The following MCTP1 variants were observed in gnomAD, a reference collection of about 807,000 sequenced individuals.
MCTP1 encodes the protein multiple C2 and transmembrane domain-containing protein 1.
Under a neutral mutation model 120.6 loss-of-function variants are expected in MCTP1, and 69 were observed. The ratio of observed to expected loss-of-function variants is 0.57; its 90% CI spans 0.47 to 0.70. MCTP1 has a LOEUF of 0.70. Ranked by LOEUF, MCTP1 falls within the 30% of genes least tolerant of loss-of-function variation. The pLI is 0.00. For missense variants in MCTP1, 1,203 were observed against 1,248.8 expected, an observed-to-expected ratio of 0.96 and a Z score of 0.55; for synonymous variants, 529 against 493.1, an observed-to-expected ratio of 1.07 and a Z score of -0.96.
chr5:94,836,551 A>T (rs1214291488), intron 17 of MCTP1, among the ~76,000 whole-genome samples: 2 of 152,162 alleles, frequency 1.3e-5, no homozygotes, highest in Non-Finnish European at 2.9e-5. Context: ...TTATAAAGAT[A>T]CTTGGGGTTG....
intron 17 of MCTP1, among the ~76,000 whole-genome samples, chr5:94,801,272 A>C (rs1781186523): frequency 1.3e-5 from 2 of 152,250 alleles, no homozygotes; most frequent in African/African-American, 4.8e-5. Context: ...ATATTTACTG[A>C]ATTAATGGAT....
At chr5:94,803,503 G>A (rs113057628) in intron 17 of MCTP1, among the ~76,000 whole-genome samples, 16 of 152,242 alleles carry the variant, frequency 1.1e-4, no homozygotes, top group East Asian at 3.9e-4. Flanking sequence ...TAGTTTTGTC[G>A]TCTGAAAAGT....
chr5:95,186,337 A>G (rs1381882736), intron 1 of MCTP1, among the ~76,000 whole-genome samples: 1 of 151,964 alleles, frequency 6.6e-6, no homozygotes, highest in Non-Finnish European at 1.5e-5. Context: ...AAGATAGAAG[A>G]TCAATCCACA....
chr5:94,732,914 A>G (rs550674905), intron 19 of MCTP1, among the ~76,000 whole-genome samples: 38 of 152,352 alleles, frequency 2.5e-4, no homozygotes, highest in African/African-American at 8.9e-4. Context: ...ACAGACTAAG[A>G]CACTTAAAAA....
intron 1 of MCTP1, among the ~76,000 whole-genome samples, chr5:95,036,794 C>T (rs2151837873): frequency 6.6e-6 from 1 of 152,180 alleles, no homozygotes; most frequent in South Asian, 2.1e-4. Flanking sequence ...TGGAGAAAAC[C>T]ATGGGGATTA....
At chr5:94,775,167 A>G (rs1752485270) in intron 19 of MCTP1, among the ~76,000 whole-genome samples, 1 of 152,214 alleles carries the variant, frequency 6.6e-6, no homozygotes, top group Admixed American at 6.5e-5. Context: ...GAAGCAATGT[A>G]AGCATAAATG....
intron 1 of MCTP1, among the ~76,000 whole-genome samples, chr5:95,041,031 T>C (rs1006996355): frequency 1.3e-5 from 2 of 152,168 alleles, no homozygotes; most frequent in Non-Finnish European, 2.9e-5. Context: ...GATTTTCTGG[T>C]TATAGGATCC....
chr5:95,001,384 A>G (rs956538568), intron 2 of MCTP1, among the ~76,000 whole-genome samples: 4 of 152,164 alleles, frequency 2.6e-5, no homozygotes, highest in Non-Finnish European at 5.9e-5. Context: ...GGCTCCGAAG[A>G]AGACAGGAAA....
intron 1 of MCTP1, among the ~76,000 whole-genome samples, chr5:95,054,204 G>A (rs1174917336): frequency 6.6e-6 from 1 of 152,160 alleles, no homozygotes; most frequent in Non-Finnish European, 1.5e-5. Flanking sequence ...CCCACAGCCC[G>A]AGACCTGTCC....
At chr5:94,955,706 G>A (rs1480731463) in intron 2 of MCTP1, among the ~76,000 whole-genome samples, 2 of 152,192 alleles carry the variant, frequency 1.3e-5, no homozygotes, top group East Asian at 3.9e-4. Flanking sequence ...TAGCCAGACT[G>A]CCTCTCTACA....
intron 2 of MCTP1, among the ~76,000 whole-genome samples, chr5:94,971,721 A>T (rs1302199062): frequency 1.3e-5 from 2 of 152,150 alleles, no homozygotes; most frequent in Admixed American, 6.6e-5. Flanking sequence ...GTCGAAGGAG[A>T]CTTGAGTTCC....
intron 4 of MCTP1, among the ~76,000 whole-genome samples, chr5:94,940,699 T>C (rs1817510392): frequency 6.6e-6 from 1 of 150,422 alleles, no homozygotes; most frequent in Non-Finnish European, 1.5e-5. Flanking sequence ...TTCATTTTCA[T>C]GTAATGATTA....
At chr5:94,805,491 G>A (rs1388717736) in intron 17 of MCTP1, among the ~76,000 whole-genome samples, 1 of 152,012 alleles carries the variant, frequency 6.6e-6, no homozygotes, top group Non-Finnish European at 1.5e-5. Context: ...AGCTGGGCCC[G>A]GTGGCATATG....
At chr5:95,053,567 G>T (rs547368170) in intron 1 of MCTP1, among the ~76,000 whole-genome samples, 1 of 152,240 alleles carries the variant, frequency 6.6e-6, no homozygotes, top group East Asian at 1.9e-4. Flanking sequence ...TTGACAGACC[G>T]CAATTTGAGA....
At chr5:95,162,954 T>A (rs1283345936) in intron 1 of MCTP1, among the ~76,000 whole-genome samples, 1 of 152,168 alleles carries the variant, frequency 6.6e-6, no homozygotes, top group Non-Finnish European at 1.5e-5. Flanking sequence ...AAAGCAATAT[T>A]AGAAATATCA....
chr5:94,863,878 T>C (rs903267187), intron 17 of MCTP1, among the ~76,000 whole-genome samples: 2 of 151,740 alleles, frequency 1.3e-5, no homozygotes, highest in African/African-American at 4.8e-5. Flanking sequence ...ATTCTTTGCA[T>C]ACAACATCTT....
At chr5:95,016,342 T>TA (rs1384646904) in intron 2 of MCTP1, among the ~76,000 whole-genome samples, 2 of 152,104 alleles carry the variant, frequency 1.3e-5, no homozygotes, top group Non-Finnish European at 2.9e-5. Flanking sequence ...TGCTAGTTTT[T>TA]ACTTAACAAT....
intron 11 of MCTP1, among the ~76,000 whole-genome samples, chr5:94,892,235 G>T (rs756858207): frequency 6.6e-6 from 1 of 152,052 alleles, no homozygotes; most frequent in African/African-American, 2.4e-5. Flanking sequence ...TCTTAGAACC[G>T]CTCACCTTTT....
At chr5:94,878,835 T>TA (rs35508836) in intron 12 of MCTP1, among the ~76,000 whole-genome samples, 17,071 of 151,324 alleles carry the variant, frequency 0.11, 1,054 homozygotes, top group South Asian at 0.15. Flanking sequence ...ACGTGTTAAT[T>TA]AAAAAAAACA....
Sources: allele counts gnomAD v4.1 joint callset (sites outside exome capture counted in the v4.1 genomes callset), GRCh38; gene constraint gnomAD v4.1.1; transcripts MANE v1.5; gene names NCBI Gene and HGNC (gene_info 2026-07-23, HGNC 2026-07-21).